STAC: variants seen among roughly 807,000 people sequenced by gnomAD.
STAC encodes SH3 and cysteine-rich domain-containing protein.
STAC carries 43 observed loss-of-function variants against 48.8 expected under a neutral mutation model. The ratio of observed to expected loss-of-function variants is 0.88; its 90% confidence interval spans 0.69 to 1.14. The LOEUF is 1.14. Ranked by LOEUF, STAC falls within the 50% of genes most tolerant of loss-of-function variation. The probability of loss-of-function intolerance (pLI) is 0.00; values close to 1 mark genes in which losing one functional copy is unlikely to be tolerated. For missense variants in STAC, 497 were observed against 504.0 expected, an observed-to-expected ratio of 0.99 and a Z score of 0.13; for synonymous variants, 193 against 179.5, an observed-to-expected ratio of 1.07 and a Z score of -0.60.
chr3:36,445,157 C>T (rs1696473020), intron 2 of STAC, among the ~76,000 whole-genome samples: 1 of 152,116 alleles, frequency 6.6e-6, no homozygotes, highest in Non-Finnish European at 1.5e-5. Context: ...GAAATGAGTT[C>T]ACCTCTGAGG....
At chr3:36,546,156 A>G in intron 10 of STAC, 35 bp from the exon 11 acceptor site, 2 of 1,575,408 alleles carry the variant, frequency 1.3e-6, no homozygotes, top group Non-Finnish European at 1.7e-6. Context: ...TGCTGACAGT[A>G]AAGTATTTTG....
intron 2 of STAC, among the ~76,000 whole-genome samples, chr3:36,481,008 T>C (rs1342757128): frequency 6.6e-6 from 1 of 151,978 alleles, no homozygotes; most frequent in East Asian, 1.9e-4. Context: ...GGAGAAAAAG[T>C]AAGAGGAAAA....
chr3:36,457,810 T>C (rs1403755526), intron 2 of STAC, among the ~76,000 whole-genome samples: 2 of 152,126 alleles, frequency 1.3e-5, no homozygotes, highest in African/African-American at 4.8e-5. Flanking sequence ...CTACCAGCCA[T>C]GGTATTAGGA....
chr3:36,443,695 G>A lies in STAC; in HGVS notation c.388+55G>A, dbSNP rs1463219826. 1.3e-6 allele frequency: 2 copies of A among 1,588,312 alleles called. No homozygotes were observed. Among genetic ancestry groups the A allele is most frequent in the Non-Finnish European group, 1.7e-6 (2 of 1,171,618 alleles). On this transcript the variant is annotated intron_variant, in intron 2 of 10. Transcript: ENST00000273183. This position sits in a 1 kb window ranked among gnomAD's most constrained non-coding sequence, Gnocchi z 4.2. Reference sequence around the variant, plus strand: ...CCAGCACCCCCGGAAAGCTGAGTGAGAGTGGTGTGCCACGGGTCCAGGTAC... The same window carrying A: ...CCAGCACCCCCGGAAAGCTGAGTGAAAGTGGTGTGCCACGGGTCCAGGTAC...
chr3:36,505,614 T>G, intron 7 of STAC, 132 bp from the exon 8 acceptor site: 1 of 559,072 alleles, frequency 1.8e-6, no homozygotes. Flanking sequence ...TCTTTAATAA[T>G]GGTTAGATAA....
intron 10 of STAC, among the ~76,000 whole-genome samples, chr3:36,530,752 C>T (rs956755121): frequency 2.0e-5 from 3 of 151,776 alleles, no homozygotes; most frequent in Non-Finnish European, 4.4e-5. Flanking sequence ...TGAGCCACCA[C>T]GCCTGGCTAA....
At chr3:36,398,474 A>AG (rs1699921631) in intron 1 of STAC, among the ~76,000 whole-genome samples, 1 of 75,104 alleles carries the variant, frequency 1.3e-5, no homozygotes, top group Non-Finnish European at 3.0e-5. Flanking sequence ...GAAGGAAGGA[A>AG]GGAGGGAAGG....
chr3:36,425,294 T>G (rs1320295384), intron 1 of STAC, among the ~76,000 whole-genome samples: 1 of 152,178 alleles, frequency 6.6e-6, no homozygotes, highest in African/African-American at 2.4e-5. Context: ...TTTGTCCTAG[T>G]CTTATGAAAA....
chr3:36,380,720 C>T lies in STAC; in HGVS notation c.77C>T (p.Pro26Leu), dbSNP rs1323109175. 14 of 1,612,110 alleles carry T rather than the reference C, an allele frequency of 8.7e-6. No individual in the cohort carries two copies. Among genetic ancestry groups the T allele is most frequent in the Non-Finnish European group, 1.1e-5 (13 of 1,179,274 alleles). ...PKEAVGAEQPPSPASTSSQES... is the reference protein window; with the variant it reads ...PKEAVGAEQPLSPASTSSQES... ...GAGGCGGTGGGCGCCGAGCAACCGC[C>T]CTCTCCTGCATCCACCAGCAGCCAG... The change falls in exon 1 of 11, where the codon CCC becomes CTC. Residue 26 changes from proline to leucine, a missense_variant. Physicochemically the swap from Pro to Leu is moderately conservative, Grantham distance 98 (BLOSUM62 -3). Transcript: ENST00000273183.
At chr3:36,444,294 C>T (rs952216643) in intron 2 of STAC, among the ~76,000 whole-genome samples, 4 of 152,168 alleles carry the variant, frequency 2.6e-5, no homozygotes, top group Non-Finnish European at 4.4e-5. Context: ...CAAAGATTTC[C>T]ACCAGAAAGT....
At chr3:36,394,005 T>C (rs4678870) in intron 1 of STAC, among the ~76,000 whole-genome samples, 65,746 of 151,630 alleles carry the variant, frequency 0.43, 14,447 homozygotes, top group African/African-American at 0.49. Flanking sequence ...GAGCAAAGCC[T>C]CAGAGGTGGA....
chr3:36,410,932 A>C (rs73830314), intron 1 of STAC, among the ~76,000 whole-genome samples: 3,528 of 152,226 alleles, frequency 0.023, 56 homozygotes, highest in Non-Finnish European at 0.026. Flanking sequence ...CTCTCTTTAT[A>C]CCAGATCTTC....
intron 8 of STAC, among the ~76,000 whole-genome samples, chr3:36,510,247 C>A (rs921644349): frequency 3.3e-5 from 5 of 152,168 alleles, no homozygotes; most frequent in African/African-American, 1.2e-4. Context: ...ATCAAAACTA[C>A]AATGAGATAC....
intron 1 of STAC, among the ~76,000 whole-genome samples, chr3:36,426,798 A>G (rs896619986): frequency 1.5e-4 from 23 of 152,178 alleles, no homozygotes; most frequent in African/African-American, 3.9e-4. Context: ...CTCAGCTATT[A>G]GCTTTATTTT....
At chr3:36,457,687 G>A (rs183116427) in intron 2 of STAC, among the ~76,000 whole-genome samples, 14 of 152,262 alleles carry the variant, frequency 9.2e-5, no homozygotes, top group East Asian at 1.9e-4. Flanking sequence ...TATTAATACC[G>A]GGATCAGGGA....
At chr3:36,435,602 T>C (rs1435342126) in intron 1 of STAC, among the ~76,000 whole-genome samples, 1 of 152,100 alleles carries the variant, frequency 6.6e-6, no homozygotes, top group Non-Finnish European at 1.5e-5. Context: ...GCAAAGCTTC[T>C]CAAAACAACT....
At chr3:36,405,773 T>C (rs1004261335) in intron 1 of STAC, among the ~76,000 whole-genome samples, 1 of 152,186 alleles carries the variant, frequency 6.6e-6, no homozygotes, top group African/African-American at 2.4e-5. Flanking sequence ...CAGGTTGGAG[T>C]GCAGTAACAT....
rs58981589 is a variant in STAC at position 36,533,475 on chromosome 3, GTTTTTTTTTTTT to G, written c.1110+4506_1110+4517del. 2.3e-3 allele frequency among the ~76,000 whole-genome samples: 141 copies of G among 61,436 alleles called. 1 individual carries two copies. The highest frequency in any genetic ancestry group is 3.4e-3 in the Non-Finnish European group (116 of 34,364). 40.3% of individuals were successfully genotyped at this position (61,436 alleles called of 152,430 possible). On this transcript the variant is annotated intron_variant, in intron 10 of 10. Coordinates refer to ENST00000273183, the MANE Select transcript of STAC (RefSeq NM_003149.3). ...TGTTACTCAATAATCTTGCTAGCAT[GTTTTTTTTTTTT>G]TTTTTTTTTTTTTTTCAGAATAATC...
chr3:36,489,895 C>T (rs1019163493), intron 5 of STAC, among the ~76,000 whole-genome samples: 11 of 152,112 alleles, frequency 7.2e-5, no homozygotes, highest in Admixed American at 1.3e-4. Context: ...GTGTGGTCTC[C>T]GGATCTGCAG....
Sources: gnomAD v4.1 joint callset for allele counts (sites outside exome capture counted in the v4.1 genomes callset) on GRCh38, gnomAD v4.1.1 for gene constraint, Gnocchi (gnomAD v3.1) non-coding constraint, MANE v1.5 for transcripts, NCBI Gene and HGNC (gene_info 2026-07-23, HGNC 2026-07-21) for gene names.